KCNK9: variants seen among roughly 807,000 people sequenced by gnomAD.
The protein encoded by KCNK9 is potassium channel subfamily K member 9.
In KCNK9, 1 loss-of-function variant was observed where a neutral mutation model predicts 10.8. The ratio of observed to expected loss-of-function variants is 0.09; its 90% CI spans 0.03 to 0.44. The LOEUF (loss-of-function observed/expected upper bound fraction) is 0.44. KCNK9 is among the 20% of genes least tolerant of loss of function. The pLI, the probability that KCNK9 is intolerant of heterozygous loss-of-function variation, is 0.97. For synonymous variants in KCNK9, 231 were observed against 222.7 expected, an observed-to-expected ratio of 1.04 and a Z score of -0.33; for missense variants, 303 against 515.0, an observed-to-expected ratio of 0.59 and a Z score of 3.98.
At chr8:139,658,034 T>G (rs560470634) in intron 1 of KCNK9, among the ~76,000 whole-genome samples, 1 of 152,306 alleles carries the variant, frequency 6.6e-6, no homozygotes, top group African/African-American at 2.4e-5. Context: ...GAATAAAATC[T>G]CAAGTCCTTG....
At chr8:139,675,150 C>T (rs1003189570) in intron 1 of KCNK9, among the ~76,000 whole-genome samples, 4 of 152,156 alleles carry the variant, frequency 2.6e-5, no homozygotes, top group Non-Finnish European at 4.4e-5. Context: ...GAGCAAATGA[C>T]GTAATAAGGT....
intron 1 of KCNK9, among the ~76,000 whole-genome samples, chr8:139,696,729 G>A (rs1817061954): frequency 2.0e-5 from 3 of 151,566 alleles, no homozygotes; most frequent in Non-Finnish European, 4.4e-5. Flanking sequence ...GTGGGTGGGT[G>A]AATAGATGAG....
chr8:139,618,316 G>A lies in KCNK9; in HGVS notation c.1067C>T (p.Pro356Leu). 6.2e-7 allele frequency: 1 copy of A among 1,614,212 alleles called. No individual in the cohort carries two copies. Among genetic ancestry groups the A allele is most frequent in the Non-Finnish European group, 8.5e-7 (1 of 1,180,034 alleles). Reference sequence around the variant, plus strand: ...GTGGTCGGTAAAGCTGTGTAACCCAGGAGAGATGGAGCTAATAGGCGATGG... The same window carrying A: ...GTGGTCGGTAAAGCTGTGTAACCCAAGAGAGATGGAGCTAATAGGCGATGG... ...LFPSPISSISPGLHSFTDHQR... is the reference protein window; with the variant it reads ...LFPSPISSISLGLHSFTDHQR... Residue 356 changes from proline to leucine, a missense_variant, in exon 2 of 2, where the codon CCT becomes CTT. Physicochemically the swap from Pro to Leu is moderately conservative, Grantham distance 98. This residue lies in a region of KCNK9 where 138 missense variants were observed against 161.1 expected (regional missense o/e 0.86). Coordinates refer to ENST00000520439, the MANE Select transcript of KCNK9 (RefSeq NM_001282534.2). The surrounding 1 kb of genome is among the most constrained non-coding windows in gnomAD (Gnocchi z 7.9).
chr8:139,692,780 C>T (rs1025708835), intron 1 of KCNK9, among the ~76,000 whole-genome samples: 9 of 152,190 alleles, frequency 5.9e-5, no homozygotes, highest in South Asian at 2.1e-4. Flanking sequence ...CTCCCCCCCA[C>T]GTCCAACTGA....
chr8:139,605,636 G>A (rs369210060), intron 2 of KCNK9, among the ~76,000 whole-genome samples: 4 of 152,102 alleles, frequency 2.6e-5, no homozygotes, highest in Non-Finnish European at 4.4e-5. Context: ...ATTTGTAAAC[G>A]TGCCATAGAG....
At position 139,663,875 on chromosome 8, in the gene KCNK9, G is replaced by A. The variant is rs571790371; in HGVS notation, c.283+38835C>T. ...CCACTGAGATGGAGATGTTTGTTAT[G>A]TAGCCACGGATAAGTGGAACAAGCT... On this transcript the variant is annotated intron_variant, in intron 1 of 1. Coordinates refer to ENST00000520439, the MANE Select transcript of KCNK9 (RefSeq NM_001282534.2). Among the ~76,000 whole-genome samples, 8 of 152,260 alleles carry A rather than the reference G, an allele frequency of 5.3e-5. No homozygotes were observed. In the East Asian group the frequency reaches 1.5e-3, roughly 29 times the overall value.
chr8:139,679,908 C>G (rs910364767), intron 1 of KCNK9, among the ~76,000 whole-genome samples: 8 of 152,204 alleles, frequency 5.3e-5, no homozygotes, highest in African/African-American at 1.9e-4. Context: ...AGCCTGGGTG[C>G]CTTTCTCATA....
In KCNK9 at chr8:139,628,499, C is replaced by T. The variant is rs549336298; in HGVS notation, c.284-9400G>A. Among the ~76,000 whole-genome samples, 31 of 152,300 alleles carry T rather than the reference C, an allele frequency of 2.0e-4. No individual in the cohort carries two copies. The South Asian group carries it at 3.5e-3, about 17-fold the overall frequency. On this transcript the variant is annotated intron_variant, in intron 1 of 1. Coordinates refer to ENST00000520439, the MANE Select transcript of KCNK9 (RefSeq NM_001282534.2). Reference sequence around the variant, plus strand: ...GGAACACTGAGGCCCTTGTTCATGCCGACCAGGCAGGGCATGGCCCCCTCG... The same window carrying T: ...GGAACACTGAGGCCCTTGTTCATGCTGACCAGGCAGGGCATGGCCCCCTCG...
chr8:139,666,600 G>A (rs890210803), intron 1 of KCNK9, among the ~76,000 whole-genome samples: 15 of 152,234 alleles, frequency 9.9e-5, no homozygotes, highest in African/African-American at 2.7e-4. Flanking sequence ...ACTTGCAGCC[G>A]CCACAACATT....
intron 1 of KCNK9, among the ~76,000 whole-genome samples, chr8:139,653,857 C>G (rs1472521944): frequency 6.6e-6 from 1 of 152,228 alleles, no homozygotes; most frequent in African/African-American, 2.4e-5. Flanking sequence ...CAACACCCTC[C>G]CAGGAATTTT....
At chr8:139,624,360 C>T (rs1023510359) in intron 1 of KCNK9, among the ~76,000 whole-genome samples, 1 of 152,162 alleles carries the variant, frequency 6.6e-6, no homozygotes, top group South Asian at 2.1e-4. Flanking sequence ...GCAGCAGCAT[C>T]CCCAACACCA....
intron 1 of KCNK9, among the ~76,000 whole-genome samples, chr8:139,628,805 C>T (rs763205306): frequency 3.9e-5 from 6 of 152,196 alleles, no homozygotes; most frequent in Non-Finnish European, 7.3e-5. Flanking sequence ...AAATTTCCAA[C>T]AACATTCACG....
At chr8:139,622,251 C>T (rs1814809421) in intron 1 of KCNK9, among the ~76,000 whole-genome samples, 1 of 152,200 alleles carries the variant, frequency 6.6e-6, no homozygotes, top group Non-Finnish European at 1.5e-5. Context: ...CCTGTGGTCC[C>T]AGTGGTCTGG....
intron 1 of KCNK9, among the ~76,000 whole-genome samples, chr8:139,673,957 A>G (rs1407022636): frequency 6.6e-6 from 1 of 152,052 alleles, no homozygotes; most frequent in East Asian, 1.9e-4. Context: ...CCCCTGCCCC[A>G]CCGCCCTGGC....
intron 1 of KCNK9, among the ~76,000 whole-genome samples, chr8:139,678,156 T>A (rs1816606194): frequency 6.6e-6 from 1 of 152,192 alleles, no homozygotes; most frequent in Non-Finnish European, 1.5e-5. Context: ...TTCCATACAA[T>A]CCCTCAGGTT....
At position 139,702,911 on chromosome 8, in the gene KCNK9, C is replaced by T. The variant is rs368957395; in HGVS notation, c.82G>A (p.Ala28Thr). 1.2e-5 allele frequency: 19 copies of T among 1,613,378 alleles called. No homozygotes were observed. Among genetic ancestry groups the T allele is most frequent in the Non-Finnish European group, 1.4e-5 (16 of 1,179,868 alleles). Residue 28 changes from alanine to threonine, a missense_variant, in exon 1 of 2, where the codon GCC becomes ACC. Ala to Thr is a moderately conservative substitution (Grantham distance 58). This residue lies in a region of KCNK9 where 58 missense variants were observed against 102.4 expected (regional missense o/e 0.57). Coordinates refer to ENST00000520439, the MANE Select transcript of KCNK9 (RefSeq NM_001282534.2). This position sits in a 1 kb window ranked among gnomAD's most constrained non-coding sequence, Gnocchi z 7.5. ...YLLVGAAVFD[A>T]LESDHEMREE... ...CGCATCTCGTGGTCCGACTCGAGGG[C>T]GTCGAACACGGCGGCGCCCACCAGC...
At chr8:139,686,444 G>A (rs886344565) in intron 1 of KCNK9, among the ~76,000 whole-genome samples, 1 of 152,168 alleles carries the variant, frequency 6.6e-6, no homozygotes, top group Admixed American at 6.5e-5. Flanking sequence ...CCATCAAAAA[G>A]TGGGCAAAGG....
At chr8:139,659,897 A>T (rs1301488996) in intron 1 of KCNK9, among the ~76,000 whole-genome samples, 1 of 152,070 alleles carries the variant, frequency 6.6e-6, no homozygotes, top group Non-Finnish European at 1.5e-5. Flanking sequence ...GGGAGATAAG[A>T]TAATATATAT....
At chr8:139,641,272 C>T (rs1350751953) in intron 1 of KCNK9, among the ~76,000 whole-genome samples, 1 of 152,218 alleles carries the variant, frequency 6.6e-6, no homozygotes, top group African/African-American at 2.4e-5. Flanking sequence ...CACCCACTCT[C>T]AGGGTGCCCT....
Sources: allele counts gnomAD v4.1 joint callset (sites outside exome capture counted in the v4.1 genomes callset), GRCh38; gene constraint gnomAD v4.1.1; regional missense constraint gnomAD v4.1.1; non-coding constraint Gnocchi (gnomAD v3.1); transcripts MANE v1.5; gene names NCBI Gene and HGNC (gene_info 2026-07-23, HGNC 2026-07-21).